PTGS2: variants seen among roughly 807,000 people sequenced by gnomAD.
The protein encoded by PTGS2 is prostaglandin G/H synthase 2.
A neutral mutation model predicts 63.8 loss-of-function variants in PTGS2; 14 were observed. The observed-to-expected ratio is 0.22, with a 90% confidence interval of 0.14 to 0.34. PTGS2 has a LOEUF of 0.34. Among genes scored for constraint, PTGS2 ranks in the 10% least tolerant of loss-of-function variants. The pLI is 1.00. For synonymous variants in PTGS2, 271 were observed against 259.5 expected (o/e 1.04, Z -0.43); for missense variants, 533 against 738.5 (o/e 0.72, Z 3.23).
At chr1:186,678,238 T>C (rs1665815863) in intron 4 of PTGS2, 23 bp downstream of exon 4, 1 of 1,582,670 alleles carries the variant, frequency 6.3e-7, no homozygotes, top group Non-Finnish European at 8.6e-7. Flanking sequence ...TTAATACATC[T>C]CTAATGGATT....
Position 186,675,968 on chromosome 1 carries a change from T to C in PTGS2, c.1187A>G (p.Asn396Ser). 6.2e-7 allele frequency: 1 copy of C among 1,614,012 alleles called. No homozygotes were observed. The change falls in exon 8 of 10, where the codon AAC (asparagine) becomes AGC (serine). Residue 396 changes from asparagine (N) to serine (S), a missense_variant. Coordinates refer to ENST00000367468, the MANE Select transcript of PTGS2 (RefSeq NM_000963.4). ...TCCATGTTCCAGCAATATAGAGTTGTTGTAGATAAACTGTTGATAGTTGTA... is the reference window on the plus strand; with the variant it reads ...TCCATGTTCCAGCAATATAGAGTTGCTGTAGATAAACTGTTGATAGTTGTA... ...QKYNYQQFIY[N>S]NSILLEHGIT...
chr1:186,674,638 T>A lies in PTGS2; in HGVS notation c.1530A>T (p.Glu510Asp), dbSNP rs200030471. Reference protein sequence around the residue: ...PDAIFGETMVEVGAPFSLKGL... With the variant: ...PDAIFGETMVDVGAPFSLKGL... ...CTTTCAAGGAGAATGGTGCTCCAAC[T>A]TCTACCATGGTTTCACCAAAGATGG... Residue 510 changes from glutamate (E) to aspartate (D), a missense_variant, in exon 10 of 10, where the codon GAA becomes GAT. Coordinates refer to ENST00000367468, the MANE Select transcript of PTGS2 (RefSeq NM_000963.4). 6.2e-7 allele frequency: 1 copy of A among 1,614,234 alleles called. No individual in the cohort carries two copies. The highest frequency in any genetic ancestry group is 8.5e-7 in the Non-Finnish European group (1 of 1,180,046).
At position 186,672,552 on chromosome 1, in the gene PTGS2, T is replaced by C. The variant is rs1338331226; in HGVS notation, c.*1801A>G. On this transcript the variant is annotated 3_prime_UTR_variant, in exon 10 of 10. Coordinates refer to ENST00000367468, the MANE Select transcript of PTGS2 (RefSeq NM_000963.4). ...AATGATTGTAGGCTTAAACACAGTT[T>C]ATAACCATAGTGTCCTAATAAGACA... is the stretch of plus-strand genomic sequence containing the variant. 1.3e-5 allele frequency: 2 copies of C among 152,610 alleles called. No individual in the cohort carries two copies. Among genetic ancestry groups the C allele is most frequent in the Admixed American group, 6.5e-5 (1 of 15,276 alleles). The allele number at this position is 152,610 out of a possible 1,614,324, so 9.5% of individuals were successfully genotyped here. A position where few individuals can be genotyped will look rare whatever the true frequency, so the allele number is the denominator to read the frequency against.
chr1:186,677,919 A>G, intron 4 of PTGS2, 89 bp from the exon 5 acceptor site: 1 of 1,274,514 alleles, frequency 7.8e-7, no homozygotes, highest in South Asian at 1.4e-5. Flanking sequence ...TTCTTCATTT[A>G]TATGAGAATT....
Position 186,680,244 on chromosome 1 carries a change from T to C in PTGS2, c.47A>G (p.His16Arg). Residue 16 changes from histidine (H) to arginine (R), a missense_variant, in exon 1 of 10, where the codon CAT (histidine) becomes CGT (arginine). Physicochemically the swap from His to Arg is conservative, Grantham distance 29 (BLOSUM62 0). Transcript: ENST00000367468. ...LLLCAVLALSHTANPCCSHPC... is the reference protein window; with the variant it reads ...LLLCAVLALSRTANPCCSHPC... The stretch of plus-strand genomic sequence containing the variant: ...GCGCGGCGCCAGGTACTCACCTGTA[T>C]GGCTGAGCGCCAGGACCGCGCACAG... The C allele has an allele frequency of 9.0e-6, 14 of 1,549,092 alleles. No individual in the cohort carries two copies. The highest frequency in any genetic ancestry group is 1.2e-5 in the Non-Finnish European group (14 of 1,146,552).
intron 6 of PTGS2, 39 bp from the exon 7 acceptor site, chr1:186,676,752 G>A (rs1665789088): frequency 2.5e-6 from 4 of 1,598,592 alleles, no homozygotes; most frequent in Non-Finnish European, 3.4e-6. Flanking sequence ...CAGTTAAAAA[G>A]TTAAGGAACA....
intron 4 of PTGS2, among the ~76,000 whole-genome samples, 176 bp from the exon 5 acceptor site, chr1:186,678,006 CTA>C (rs2102006780): frequency 6.6e-6 from 1 of 152,138 alleles, no homozygotes; most frequent in Admixed American, 6.5e-5. Flanking sequence ...ATGATTTTAT[CTA>C]TTTTAATTAG....
In PTGS2 at chr1:186,674,490, C is replaced by G. The variant is rs1175587406; in HGVS notation, c.1678G>C (p.Gly560Arg). 2 of 1,614,104 alleles carry G rather than the reference C, an allele frequency of 1.2e-6. No individual in the cohort carries two copies. Among genetic ancestry groups the G allele is most frequent in the Non-Finnish European group, 1.7e-6 (2 of 1,180,034 alleles). ...IQSLICNNVK[G>R]CPFTSFSVPD... ...ACACTGAATGAAGTAAAGGGACAGC[C>G]CTTCACGTTATTGCAGATGAGAGAC... Residue 560 changes from glycine to arginine, a missense_variant, in exon 10 of 10, where the codon GGC becomes CGC. Transcript: ENST00000367468.
At chr1:186,679,024 A>G in intron 3 of PTGS2, 34 bp downstream of exon 3, 1 of 1,589,002 alleles carries the variant, frequency 6.3e-7, no homozygotes, top group Non-Finnish European at 8.5e-7. Flanking sequence ...TTCTTTGAGA[A>G]GGCTAAAAAC....
intron 6 of PTGS2, 23 bp downstream of exon 6, chr1:186,676,810 C>G (rs1454517760): frequency 4.4e-6 from 7 of 1,607,436 alleles, no homozygotes; most frequent in Non-Finnish European, 5.9e-6. Context: ...ATAACTAAGT[C>G]TTAATAGTCA....
At position 186,675,896 on chromosome 1, in the gene PTGS2, ACCCTG is replaced by A; in HGVS notation, c.1254_1257+1del. 6.2e-7 allele frequency: 1 copy of A among 1,608,490 alleles called. No homozygotes were observed. Among genetic ancestry groups the A allele is most frequent in the Non-Finnish European group, 8.5e-7 (1 of 1,175,852 alleles). On this transcript the variant is annotated splice_donor_variant and coding_sequence_variant, in exon 8 of 10. Transcript: ENST00000367468. LOFTEE classifies it high-confidence loss of function. ...GTTTTGGTTTTCAATAATAATGCTT[ACCCTG>A]CCAGCAATTTGCCTGGTGAATGATT...
chr1:186,678,909 T>G (rs1287875044), intron 3 of PTGS2, 149 bp downstream of exon 3: 16 of 896,930 alleles, frequency 1.8e-5, no homozygotes, highest in Non-Finnish European at 2.6e-5. Flanking sequence ...GTCAATATTT[T>G]TGGCGATTAA....
intron 1 of PTGS2, among the ~76,000 whole-genome samples, chr1:186,679,761 G>A (rs965898282): frequency 2.0e-4 from 31 of 152,062 alleles, no homozygotes; most frequent in African/African-American, 7.2e-4. Context: ...AATGGATCTA[G>A]TACACTAATC....
At chr1:186,677,294 T>A (rs1012088531) in intron 5 of PTGS2, among the ~76,000 whole-genome samples, 4 of 152,208 alleles carry the variant, frequency 2.6e-5, no homozygotes, top group African/African-American at 9.6e-5. Flanking sequence ...AACCTCACTT[T>A]ACAATATTGA....
At chr1:186,678,189 CA>C (rs1665814687) in intron 4 of PTGS2, 71 bp downstream of exon 4, 5 of 1,404,504 alleles carry the variant, frequency 3.6e-6, no homozygotes, top group South Asian at 3.1e-5. Flanking sequence ...AGTCTAAGGT[CA>C]ATTTTTTTTT....
intron 9 of PTGS2, 42 bp from the exon 10 acceptor site, chr1:186,674,804 T>G: frequency 6.5e-7 from 1 of 1,532,542 alleles, no homozygotes; most frequent in Non-Finnish European, 8.8e-7. Flanking sequence ...AATGTCAAAC[T>G]TCACAAAATA....
chr1:186,672,715 A>G lies in PTGS2; in HGVS notation c.*1638T>C, dbSNP rs13306035. 2 of 152,678 alleles carry G rather than the reference A, an allele frequency of 1.3e-5. No homozygotes were observed. The highest frequency in any genetic ancestry group is 3.9e-4 in the East Asian group (2 of 5,184). The allele number at this position is 152,678 out of a possible 1,614,324, so 9.5% of individuals were successfully genotyped here. ...AGATATCATTTGGTTTTGTTTTTAA[A>G]TAAGAAAGGGCATTAATTAGAATGG... On this transcript the variant is annotated 3_prime_UTR_variant, in exon 10 of 10. Coordinates refer to ENST00000367468, the MANE Select transcript of PTGS2 (RefSeq NM_000963.4).
chr1:186,676,874 G>T lies in PTGS2; in HGVS notation c.682C>A (p.Arg228Ser), dbSNP rs761122494. 25 of 1,609,684 alleles carry T rather than the reference G, an allele frequency of 1.6e-5. No homozygotes were observed. In the African/African-American group the frequency reaches 2.9e-4, roughly 19 times the overall value. The change falls in exon 6 of 10, where the codon CGT becomes AGT. Residue 228 changes from arginine to serine, a missense_variant. Physicochemically the swap from Arg to Ser is moderately radical, Grantham distance 110. Transcript: ENST00000367468. ...HIYGETLARQ[R>S]KLRLFKDGKM... ...CCATCCTTGAAAAGGCGCAGTTTAC[G>T]CTGTCTAGCCAGAGTTTCACCGTAA...
Position 186,675,906 on chromosome 1 carries a change from C to T in PTGS2, c.1249G>A (p.Ala417Thr), listed in dbSNP as rs761649861. Residue 417 changes from alanine to threonine, a missense_variant, in exon 8 of 10, where the codon GCT becomes ACT. Physicochemically the swap from Ala to Thr is moderately conservative, Grantham distance 58. Around this residue, in one of 5 missense-constraint regions of PTGS2, gnomAD observed 219 missense variants for 267.4 expected, o/e 0.82. Transcript: ENST00000367468. ...TCAATAATAATGCTTACCCTGCCAGCAATTTGCCTGGTGAATGATTCAACA... is the reference window on the plus strand; with the variant it reads ...TCAATAATAATGCTTACCCTGCCAGTAATTTGCCTGGTGAATGATTCAACA... The part of the protein sequence containing the change: ...QFVESFTRQI[A>T]GRVAGGRNVP... The T allele has an allele frequency of 5.0e-6, 8 of 1,609,264 alleles. No individual in the cohort carries two copies. The South Asian group carries it at 8.8e-5, about 18-fold the overall frequency.
Sources: gnomAD v4.1 joint callset for allele counts (sites outside exome capture counted in the v4.1 genomes callset) on GRCh38, gnomAD v4.1.1 for gene constraint, gnomAD v4.1.1 regional missense constraint, MANE v1.5 for transcripts, NCBI Gene and HGNC (gene_info 2026-07-23, HGNC 2026-07-21) for gene names.